The following TRMT44 variants were observed in gnomAD, a reference collection of about 807,000 sequenced individuals.
TRMT44 encodes tRNA methyltransferase 44 homolog.
TRMT44 carries 78 observed loss-of-function variants against 77.3 expected under a neutral mutation model. That is an observed-to-expected ratio of 1.01 (90% confidence interval 0.84 to 1.22). TRMT44 has a LOEUF of 1.22. Ranked by LOEUF, TRMT44 falls within the 50% of genes most tolerant of loss-of-function variation. TRMT44 has a pLI of 0.00. For missense variants in TRMT44, 1,090 were observed against 964.4 expected, an observed-to-expected ratio of 1.13 and a Z score of -1.73; for synonymous variants, 391 against 383.3, an observed-to-expected ratio of 1.02 and a Z score of -0.23.
chr4:8,491,360 G>A (rs918614168), intron 2 of TRMT44, among the ~76,000 whole-genome samples: 5 of 152,354 alleles, frequency 3.3e-5, no homozygotes, highest in African/African-American at 4.8e-5. Context: ...AGTGGATCCC[G>A]CACCAGGGCA....
the TRMT44 span, chr4:8,511,978 T>C: frequency 1.3e-5 from 2 of 152,350 alleles, no homozygotes; most frequent in South Asian, 2.1e-4. Flanking sequence ...ATCCCTGCAA[T>C]AGATCCCTTT....
chr4:8,514,991 A>C, the TRMT44 span, among the ~76,000 whole-genome samples: 1 of 152,060 alleles, frequency 6.6e-6, no homozygotes, highest in South Asian at 2.1e-4. Flanking sequence ...CTTGAGACAG[A>C]GTGTCACTCT....
intron 3 of TRMT44, among the ~76,000 whole-genome samples, chr4:8,450,521 A>G (rs6855235): frequency 0.14 from 21,663 of 152,222 alleles, 2,462 homozygotes; most frequent in African/African-American, 0.31. Flanking sequence ...AAAAGTTAAA[A>G]TACAAAAGAG....
the TRMT44 span, among the ~76,000 whole-genome samples, chr4:8,511,381 T>TC: frequency 6.6e-6 from 1 of 151,704 alleles, no homozygotes; most frequent in Non-Finnish European, 1.5e-5. Context: ...CAGAATAATG[T>TC]CCCCCCTCCC....
At chr4:8,497,896 T>C (rs555773952), downstream of TRMT44, among the ~76,000 whole-genome samples, 6 of 152,298 alleles carry the variant, frequency 3.9e-5, no homozygotes, top group East Asian at 1.2e-3. Flanking sequence ...GCATGGTGTA[T>C]GGGAGCTGTG....
chr4:8,472,899 T>G (rs1265827322), intron 10 of TRMT44, among the ~76,000 whole-genome samples: 1 of 152,222 alleles, frequency 6.6e-6, no homozygotes, highest in Non-Finnish European at 1.5e-5. Context: ...TTCCCAACAC[T>G]TGTTTTTGTT....
intron 2 of TRMT44, among the ~76,000 whole-genome samples, chr4:8,488,496 G>T (rs1727890140): frequency 6.6e-6 from 1 of 152,236 alleles, no homozygotes; most frequent in Admixed American, 6.5e-5. Context: ...TTTTGCCTCA[G>T]GATGAGCCAG....
At chr4:8,487,485 G>A (rs367709252) in intron 2 of TRMT44, among the ~76,000 whole-genome samples, 85 of 151,802 alleles carry the variant, frequency 5.6e-4, no homozygotes, top group East Asian at 2.9e-3. Context: ...GGGATGGGGC[G>A]CAGAGATAAG....
downstream of TRMT44, among the ~76,000 whole-genome samples, chr4:8,479,725 A>G (rs1054766827): frequency 2.6e-5 from 4 of 152,132 alleles, no homozygotes; most frequent in African/African-American, 4.8e-5. Flanking sequence ...CTTAGGCCAC[A>G]CTCAGTTTAT....
intron 10 of TRMT44, 48 bp downstream of exon 10, chr4:8,471,248 T>G (rs1052935975): frequency 3.2e-6 from 4 of 1,243,928 alleles, no homozygotes; most frequent in Non-Finnish European, 3.4e-6. Flanking sequence ...TTTTTCCCCC[T>G]TTTTTCAGTT....
intron 10 of TRMT44, among the ~76,000 whole-genome samples, chr4:8,472,792 T>C (rs1727105370): frequency 6.6e-6 from 1 of 152,196 alleles, no homozygotes; most frequent in African/African-American, 2.4e-5. Context: ...CTGGGCCTGC[T>C]GGCTGGGCTG....
chr4:8,499,542 G>T, the TRMT44 span, among the ~76,000 whole-genome samples: 6 of 148,042 alleles, frequency 4.1e-5, no homozygotes, highest in South Asian at 1.3e-3. Flanking sequence ...GTGAGGTCGT[G>T]TGTGTTGGGG....
the TRMT44 span, chr4:8,507,462 C>G: frequency 1.3e-5 from 2 of 153,118 alleles, no homozygotes; most frequent in Non-Finnish European, 2.9e-5. Context: ...CATCCTCCCC[C>G]AGCGCCTGCT....
At position 8,444,722 on chromosome 4, in the gene TRMT44, A is replaced by C. The variant is rs1283994403; in HGVS notation, c.620-1754A>C. On this transcript the variant is annotated intron_variant, in intron 1 of 10. Transcript: ENST00000389737. The surrounding 1 kb of genome is among the most constrained non-coding windows in gnomAD (Gnocchi z 4.0). ...CACTATTGTACATTTTTAAATAACG[A>C]AAAGAGTGTAATTGGATTGTTTGTA... Among the ~76,000 whole-genome samples the C allele has an allele frequency of 6.6e-6, 1 of 152,196 alleles. No homozygotes were observed. The highest frequency in any genetic ancestry group is 1.5e-5 in the Non-Finnish European group (1 of 68,040).
At chr4:8,481,940 CT>C (rs1206494163) in intron 2 of TRMT44, among the ~76,000 whole-genome samples, 1 of 152,196 alleles carries the variant, frequency 6.6e-6, no homozygotes, top group African/African-American at 2.4e-5. Flanking sequence ...GCTTGGTTTC[CT>C]TTTTTCATCA....
chr4:8,513,483 A>G, the TRMT44 span, among the ~76,000 whole-genome samples: 1 of 152,224 alleles, frequency 6.6e-6, no homozygotes, highest in African/African-American at 2.4e-5. Context: ...GACACAGCCA[A>G]ACCATATCAA....
chr4:8,469,474 C>T (rs746973185), intron 9 of TRMT44, among the ~76,000 whole-genome samples: 1 of 152,250 alleles, frequency 6.6e-6, no homozygotes, highest in Non-Finnish European at 1.5e-5. Flanking sequence ...AAAGTTCCCA[C>T]GTGCAGTAAA....
intron 8 of TRMT44, among the ~76,000 whole-genome samples, chr4:8,465,826 G>A (rs1671619240): frequency 1.3e-5 from 2 of 152,226 alleles, no homozygotes; most frequent in South Asian, 4.1e-4. Context: ...AGCTCTGAGT[G>A]GCCCCAGGGG....
chr4:8,500,136 A>G, the TRMT44 span, among the ~76,000 whole-genome samples: 1,185 of 152,210 alleles, frequency 7.8e-3, 14 homozygotes, highest in African/African-American at 0.027. Flanking sequence ...AGGCTGAGGC[A>G]GGGAGGACTG....
Sources: gnomAD v4.1 joint callset for allele counts (sites outside exome capture counted in the v4.1 genomes callset) on GRCh38, gnomAD v4.1.1 for gene constraint, Gnocchi (gnomAD v3.1) non-coding constraint, MANE v1.5 for transcripts, NCBI Gene and HGNC (gene_info 2026-07-23, HGNC 2026-07-21) for gene names.